The following ASPSCR1 variants were observed in gnomAD, a reference collection of about 807,000 sequenced individuals.
ASPSCR1 encodes ASPSCR1 tether for SLC2A4, UBX domain containing.
Under a neutral mutation model 68.9 loss-of-function variants are expected in ASPSCR1, and 55 were observed. The observed-to-expected ratio is 0.80, with a 90% confidence interval of 0.64 to 1.00. ASPSCR1 has a LOEUF of 1.00. Among genes scored for constraint, ASPSCR1 ranks in the 50% least tolerant of loss-of-function variants. ASPSCR1 has a pLI of 0.00. For synonymous variants in ASPSCR1, 352 were observed against 332.6 expected, an observed-to-expected ratio of 1.06 and a Z score of -0.63; for missense variants, 765 against 762.2, an observed-to-expected ratio of 1.00 and a Z score of -0.04.
Position 82,004,118 on chromosome 17 carries a change from AAGG to A in ASPSCR1, c.934-4916_934-4914del, listed in dbSNP as rs564034441. Among the ~76,000 whole-genome samples the A allele has an allele frequency of 3.5e-3, 531 of 152,308 alleles. 2 individuals are homozygous for A. Among genetic ancestry groups the A allele is most frequent in the Middle Eastern group, 6.8e-3 (2 of 294 alleles). On this transcript the variant is annotated intron_variant, in intron 7 of 15. Transcript: ENST00000306739. ...CATCCTGGAAAATTACTGTCAAGAA[AAGG>A]AGACCTCTGGGCAGTGTCCCGGCCT...
intron 4 of ASPSCR1, among the ~76,000 whole-genome samples, chr17:81,992,317 G>A (rs1177762728): frequency 6.6e-6 from 1 of 152,180 alleles, no homozygotes; most frequent in Non-Finnish European, 1.5e-5. Flanking sequence ...CACTGGGCCG[G>A]CGTAGAAGGT....
intron 10 of ASPSCR1, 122 bp from the exon 11 acceptor site, chr17:82,011,421 G>C (rs949449034): frequency 6.3e-6 from 6 of 949,292 alleles, no homozygotes; most frequent in African/African-American, 1.7e-5. Context: ...GGGAGGAACA[G>C]GGCTGAATTC....
intron 6 of ASPSCR1, 126 bp downstream of exon 6, chr17:81,996,191 G>A (rs2042331390): frequency 3.8e-6 from 5 of 1,318,378 alleles, no homozygotes; most frequent in Non-Finnish European, 5.1e-6. Flanking sequence ...CATGGAGAGC[G>A]CCTGGTGGCC....
intron 7 of ASPSCR1, among the ~76,000 whole-genome samples, chr17:81,997,223 TG>T (rs1253998614): frequency 7.3e-6 from 1 of 136,214 alleles, no homozygotes; most frequent in African/African-American, 3.1e-5. Flanking sequence ...AGGGCCGCCC[TG>T]GGGTGGTGCA....
chr17:81,993,687 C>T (rs1453507111), intron 4 of ASPSCR1, among the ~76,000 whole-genome samples: 2 of 152,268 alleles, frequency 1.3e-5, no homozygotes, highest in Non-Finnish European at 2.9e-5. Context: ...CTGGACACTG[C>T]AGCACCCTGC....
chr17:82,016,709 T>C, intron 13 of ASPSCR1, 91 bp from the exon 14 acceptor site: 1 of 1,493,476 alleles, frequency 6.7e-7, no homozygotes, highest in Non-Finnish European at 9.1e-7. Context: ...GCCACCCCCC[T>C]CCCAGAGCTG....
chr17:82,010,574 C>T (rs1219015428), intron 9 of ASPSCR1, among the ~76,000 whole-genome samples: 1 of 151,194 alleles, frequency 6.6e-6, no homozygotes, highest in African/African-American at 2.4e-5. Context: ...GAACCCAGGT[C>T]AGTGTGGTTT....
Position 81,996,813 on chromosome 17 carries a change from G to C in ASPSCR1, c.900G>C (p.Glu300Asp). 6.2e-7 allele frequency: 1 copy of C among 1,606,932 alleles called. No homozygotes were observed. The highest frequency in any genetic ancestry group is 8.5e-7 in the Non-Finnish European group (1 of 1,177,848). The part of the protein sequence containing the change: ...DPQQEQEQER[E>D]RDPQQEQERE... ...AGCAGGAGCAGGAGCAGGAGCGGGA[G>C]CGGGATCCCCAGCAGGAGCAGGAGC... The change falls in exon 7 of 16, where the codon GAG becomes GAC. Residue 300 changes from glutamate (E) to aspartate (D), a missense_variant. Glu to Asp is a conservative substitution (Grantham distance 45, BLOSUM62 2). Coordinates refer to ENST00000306739, the MANE Select transcript of ASPSCR1 (RefSeq NM_024083.4).
At chr17:82,011,486 C>A (rs1383499141) in intron 10 of ASPSCR1, 57 bp from the exon 11 acceptor site, 2 of 1,506,838 alleles carry the variant, frequency 1.3e-6, no homozygotes, top group African/African-American at 1.4e-5. Context: ...GGTGCTGGGG[C>A]AGCCCGGGGC....
intron 4 of ASPSCR1, among the ~76,000 whole-genome samples, chr17:81,988,950 G>A (rs936898816): frequency 6.6e-6 from 1 of 152,196 alleles, no homozygotes; most frequent in Non-Finnish European, 1.5e-5. Flanking sequence ...GCTCTCACCT[G>A]TAATCCCAGC....
chr17:81,998,467 A>T (rs1201446817), intron 7 of ASPSCR1, among the ~76,000 whole-genome samples: 1 of 152,086 alleles, frequency 6.6e-6, no homozygotes, highest in Non-Finnish European at 1.5e-5. Flanking sequence ...TGGCGATCTT[A>T]GTAGACATCC....
At chr17:81,985,015 C>T in intron 3 of ASPSCR1, among the ~76,000 whole-genome samples, 1 of 130,012 alleles carries the variant, frequency 7.7e-6, no homozygotes, top group Non-Finnish European at 1.6e-5. Context: ...CACCTGCACA[C>T]ACCGCCCACA....
chr17:81,989,803 G>T (rs1187085376), intron 4 of ASPSCR1, among the ~76,000 whole-genome samples: 1 of 152,184 alleles, frequency 6.6e-6, no homozygotes, highest in Non-Finnish European at 1.5e-5. Context: ...GGCCATGGAG[G>T]TGACTCACAT....
rs574632776 is a variant in ASPSCR1, at chr17:81,995,004, C to T, written c.432+126C>T. 7.0e-5 allele frequency: 76 copies of T among 1,083,150 alleles called. No homozygotes were observed. The East Asian group carries it at 1.4e-3, about 19-fold the overall frequency. The allele number at this position is 1,083,150 out of a possible 1,614,324, so 67.1% of individuals were successfully genotyped here. ...GAGACTCGGGCTCTTGAAAGCACGA[C>T]GTGTTTCATGGAAAAAGAGGGAGTG... On this transcript the variant is annotated intron_variant, in intron 5 of 15. Coordinates refer to ENST00000306739, the MANE Select transcript of ASPSCR1 (RefSeq NM_024083.4).
At chr17:82,001,606 G>A (rs1326914520) in intron 7 of ASPSCR1, among the ~76,000 whole-genome samples, 2 of 152,300 alleles carry the variant, frequency 1.3e-5, no homozygotes, top group African/African-American at 2.4e-5. Flanking sequence ...GTGGATGCTC[G>A]CCACTGGGGC....
In ASPSCR1 at chr17:81,987,996, A is replaced by G. The variant is rs2042050094; in HGVS notation, c.374+2389A>G. Among the ~76,000 whole-genome samples, 3 of 151,570 alleles carry G rather than the reference A, an allele frequency of 2.0e-5. No homozygotes were observed. Among genetic ancestry groups the G allele is most frequent in the Admixed American group, 6.6e-5 (1 of 15,202 alleles). On this transcript the variant is annotated intron_variant, in intron 4 of 15. Transcript: ENST00000306739. This position sits in a 1 kb window ranked among gnomAD's most constrained non-coding sequence, Gnocchi z 5.6. ...AATATGGTGAAACTCCATCTCTACT[A>G]AAAATACAAAAATTAGCCGGGCGTG...
At chr17:82,015,128 G>T in intron 12 of ASPSCR1, 2 of 1,598,306 alleles carry the variant, frequency 1.3e-6, no homozygotes, top group Non-Finnish European at 1.7e-6. Context: ...CGCTGAAACG[G>T]TGCCTGGGAC....
At chr17:82,009,423 G>A in intron 8 of ASPSCR1, 63 bp from the exon 9 acceptor site, 8 of 1,489,924 alleles carry the variant, frequency 5.4e-6, no homozygotes, top group Admixed American at 4.3e-5. Flanking sequence ...TGAGGAGCCC[G>A]GGGCCTGTTG....
intron 4 of ASPSCR1, 109 bp from the exon 5 acceptor site, chr17:81,994,705 GTGGGTGC>G (rs2042278685): frequency 1.9e-6 from 2 of 1,062,608 alleles, no homozygotes; most frequent in Admixed American, 3.6e-5. Context: ...GCTGTCCTGG[GTGGGTGC>G]TGGGTGAGGG....
Sources: allele counts gnomAD v4.1 joint callset (sites outside exome capture counted in the v4.1 genomes callset), GRCh38; gene constraint gnomAD v4.1.1; non-coding constraint Gnocchi (gnomAD v3.1); transcripts MANE v1.5; gene names NCBI Gene and HGNC (gene_info 2026-07-23, HGNC 2026-07-21).